IRAG1: variants seen among roughly 807,000 people sequenced by gnomAD.
The protein encoded by IRAG1 is inositol 1,4,5-triphosphate receptor associated 1, also known as IP3R-associated cGMP kinase substrate.
A neutral mutation model predicts 106.2 loss-of-function variants in IRAG1; 62 were observed. That is an observed-to-expected ratio of 0.58 (90% confidence interval 0.48 to 0.72). The LOEUF is 0.72. Among genes scored for constraint, IRAG1 ranks in the 30% least tolerant of loss-of-function variants. The pLI, the probability that IRAG1 is intolerant of heterozygous loss-of-function variation, is 0.00. For synonymous variants in IRAG1, 462 were observed against 443.9 expected, an observed-to-expected ratio of 1.04 and a Z score of -0.51; for missense variants, 1,064 against 1,140.7, an observed-to-expected ratio of 0.93 and a Z score of 0.97.
chr11:10,601,100 G>T (rs949133923), intron 14 of IRAG1, 41 bp from the exon 15 acceptor site: 13 of 1,609,854 alleles, frequency 8.1e-6, no homozygotes, highest in African/African-American at 2.7e-5. Context: ...GCCATTGGAG[G>T]AAAGGCTCCG....
chr11:10,651,621 T>C (rs1356629183), intron 2 of IRAG1, among the ~76,000 whole-genome samples: 1 of 152,264 alleles, frequency 6.6e-6, no homozygotes, highest in Non-Finnish European at 1.5e-5. Flanking sequence ...TGCTATTTAC[T>C]ATACAATTTT....
chr11:10,581,064 G>A (rs183966597), intron 19 of IRAG1, among the ~76,000 whole-genome samples: 1 of 152,324 alleles, frequency 6.6e-6, no homozygotes, highest in African/African-American at 2.4e-5. Context: ...AGGAGTTCAT[G>A]CCCATAAATT....
intron 2 of IRAG1, among the ~76,000 whole-genome samples, chr11:10,645,481 A>C (rs2134813796): frequency 6.6e-6 from 1 of 152,356 alleles, no homozygotes. Context: ...AAATGCTAGA[A>C]AACACTAGGA....
intron 14 of IRAG1, 46 bp downstream of exon 14, chr11:10,603,074 C>T (rs748302325): frequency 3.5e-5 from 56 of 1,581,714 alleles, no homozygotes; most frequent in Non-Finnish European, 4.4e-5. Flanking sequence ...CTCTACTTTA[C>T]GTAGGTGGAA....
At chr11:10,621,378 G>A (rs1855824190) in intron 10 of IRAG1, among the ~76,000 whole-genome samples, 1 of 152,182 alleles carries the variant, frequency 6.6e-6, no homozygotes, top group Non-Finnish European at 1.5e-5. Context: ...CTCTTATGCT[G>A]AGACTGGCCC....
rs545987487 is a variant in IRAG1, at chr11:10,680,286, AAG to A, written c.67+13248_67+13249del. On this transcript the variant is annotated intron_variant, in intron 1 of 20. Coordinates refer to ENST00000423302, the MANE Select transcript of IRAG1 (RefSeq NM_130385.4). ...GAAACTGAGGAAAGAAAGAAAGAAA[AAG>A]AGAGAGAGAGAGAGAGGGAGGGAGG... 7.8e-4 allele frequency among the ~76,000 whole-genome samples: 98 copies of A among 125,558 alleles called. 1 individual carries two copies. Among genetic ancestry groups the A allele is most frequent in the African/African-American group, 2.0e-3 (68 of 33,600 alleles). The allele number at this position is 125,558 out of a possible 152,430, so 82.4% of individuals were successfully genotyped here. A position where few individuals can be genotyped will look rare whatever the true frequency, so the allele number is the denominator to read the frequency against.
Position 10,667,141 on chromosome 11 carries a change from G to A in IRAG1, c.68-14959C>T, listed in dbSNP as rs192934499. The stretch of plus-strand genomic sequence containing the variant: ...TTATAGAACAGAAGTTTTTTTTTTC[G>A]TTTTTTTGTTTTTGTTTTTAAAGCA... On this transcript the variant is annotated intron_variant, in intron 1 of 20. Transcript: ENST00000423302. 1.6e-3 allele frequency among the ~76,000 whole-genome samples: 223 copies of A among 137,912 alleles called. 6 individuals are homozygous for A. The highest frequency in any genetic ancestry group is 4.7e-4 in the Non-Finnish European group (30 of 64,374). 90.5% of individuals were successfully genotyped at this position (137,912 alleles called of 152,430 possible).
chr11:10,628,907 TC>T lies in IRAG1; in HGVS notation c.575-80del. The T allele has an allele frequency of 7.3e-7, 1 of 1,368,762 alleles. No individual in the cohort carries two copies. Among genetic ancestry groups the T allele is most frequent in the Non-Finnish European group, 1.0e-6 (1 of 997,028 alleles). 84.8% of individuals were successfully genotyped at this position (1,368,762 alleles called of 1,614,324 possible). A position where few individuals can be genotyped will look rare whatever the true frequency, so the allele number is the denominator to read the frequency against. On this transcript the variant is annotated intron_variant, in intron 5 of 20. Transcript: ENST00000423302. The surrounding 1 kb of genome is among the most constrained non-coding windows in gnomAD (Gnocchi z 4.1). ...CTGGCAAAGGCATCCTTTTAGGTATTCCCAGGCCCTGGGAACTGGGTCTGCC... is the reference window on the plus strand; with the variant it reads ...CTGGCAAAGGCATCCTTTTAGGTATTCCAGGCCCTGGGAACTGGGTCTGCC...
At chr11:10,646,001 G>A (rs529330746) in intron 2 of IRAG1, among the ~76,000 whole-genome samples, 2 of 152,280 alleles carry the variant, frequency 1.3e-5, no homozygotes, top group East Asian at 3.9e-4. Context: ...AGGAAACTGG[G>A]GCAAGGAATA....
chr11:10,591,729 G>A, intron 17 of IRAG1, 117 bp from the exon 18 acceptor site: 2 of 912,890 alleles, frequency 2.2e-6, no homozygotes, highest in Non-Finnish European at 1.8e-6. Flanking sequence ...TTTCCTCCAT[G>A]CCCCCACTTT....
intron 1 of IRAG1, among the ~76,000 whole-genome samples, chr11:10,671,079 G>A (rs1027449880): frequency 6.6e-6 from 1 of 152,184 alleles, no homozygotes; most frequent in African/African-American, 2.4e-5. Flanking sequence ...ACATTTTGGA[G>A]AATAATTGCT....
In IRAG1 at chr11:10,629,724, G is replaced by A. The variant is rs1856540958; in HGVS notation, c.401-13C>T. On this transcript the variant is annotated splice_polypyrimidine_tract_variant and intron_variant, in intron 4 of 20. Transcript: ENST00000423302. ...TGCCCCGCGGGGTCTGCAGAAGGAGGATGAGCTGGGGTGAGAGCCACTGCA... is the reference window on the plus strand; with the variant it reads ...TGCCCCGCGGGGTCTGCAGAAGGAGAATGAGCTGGGGTGAGAGCCACTGCA... The A allele has an allele frequency of 2.5e-6, 4 of 1,611,146 alleles. No individual in the cohort carries two copies. Among genetic ancestry groups the A allele is most frequent in the Non-Finnish European group, 2.5e-6 (3 of 1,178,472 alleles).
At chr11:10,674,607 G>T (rs1196067610) in intron 1 of IRAG1, among the ~76,000 whole-genome samples, 1 of 152,154 alleles carries the variant, frequency 6.6e-6, no homozygotes, top group African/African-American at 2.4e-5. Flanking sequence ...AACACATTTT[G>T]TTCCACCCTC....
At chr11:10,627,908 T>C in intron 7 of IRAG1, 65 bp downstream of exon 7, 1 of 1,575,164 alleles carries the variant, frequency 6.3e-7, no homozygotes, top group Non-Finnish European at 8.7e-7. Flanking sequence ...GGCCTCCTGG[T>C]GTTCGGGGTA....
chr11:10,607,009 C>T (rs554431358), intron 11 of IRAG1, among the ~76,000 whole-genome samples: 46 of 152,256 alleles, frequency 3.0e-4, no homozygotes, highest in East Asian at 1.2e-3. Flanking sequence ...TAAGCCCCAG[C>T]GTGCTCATCT....
Position 10,623,818 on chromosome 11 carries a change from G to C in IRAG1, c.1407C>G (p.Leu469=). ...ILMRNQNLVG[L]KLPDLSEAAE... ...CTGCTTCACTAAGGTCTGGAAGCTT[G>C]AGCCCCACTAAGTTCTGATTTCTCA... Residue 469 remains leucine, a synonymous_variant, in exon 10 of 21, where the codon CTC becomes CTG. Coordinates refer to ENST00000423302, the MANE Select transcript of IRAG1 (RefSeq NM_130385.4). The C allele has an allele frequency of 6.2e-7, 1 of 1,614,054 alleles. No individual in the cohort carries two copies. Among genetic ancestry groups the C allele is most frequent in the Non-Finnish European group, 8.5e-7 (1 of 1,179,898 alleles).
intron 15 of IRAG1, among the ~76,000 whole-genome samples, chr11:10,597,472 CCCA>C (rs1162337530): frequency 2.6e-5 from 4 of 152,012 alleles, no homozygotes; most frequent in Non-Finnish European, 5.9e-5. Flanking sequence ...ACTACAGGTG[CCCA>C]CCACCACATC....
chr11:10,660,401 C>T (rs1034482203), intron 1 of IRAG1, among the ~76,000 whole-genome samples: 23 of 152,210 alleles, frequency 1.5e-4, no homozygotes, highest in African/African-American at 5.5e-4. Context: ...TTGCTACTGC[C>T]CATCTCTTCT....
At chr11:10,649,752 T>C (rs1441241552) in intron 2 of IRAG1, among the ~76,000 whole-genome samples, 1 of 152,134 alleles carries the variant, frequency 6.6e-6, no homozygotes, top group Non-Finnish European at 1.5e-5. Context: ...GAGGGTTCCA[T>C]GAGCTTGCCT....
Sources: allele counts gnomAD v4.1 joint callset (sites outside exome capture counted in the v4.1 genomes callset), GRCh38; gene constraint gnomAD v4.1.1; non-coding constraint Gnocchi (gnomAD v3.1); transcripts MANE v1.5; gene names NCBI Gene and HGNC (gene_info 2026-07-23, HGNC 2026-07-21).